The following SRCIN1 variants were observed in gnomAD, a reference collection of about 807,000 sequenced individuals.
SRCIN1 encodes the protein SRC kinase signaling inhibitor 1, also known as P130Cas-associated protein.
A neutral mutation model predicts 116.2 loss-of-function variants in SRCIN1; 50 were observed. The ratio of observed to expected loss-of-function variants is 0.43; its 90% CI spans 0.34 to 0.54. The LOEUF (loss-of-function observed/expected upper bound fraction) is 0.54. Ranked by LOEUF, SRCIN1 falls within the 20% of genes least tolerant of loss-of-function variation. SRCIN1 has a pLI of 0.02. For synonymous variants in SRCIN1, 736 were observed against 750.0 expected (o/e 0.98, Z 0.30); for missense variants, 1,446 against 1,672.0 (o/e 0.86, Z 2.36).
intron 2 of SRCIN1, among the ~76,000 whole-genome samples, chr17:38,575,541 GC>G (rs1204965624): frequency 6.6e-6 from 1 of 152,166 alleles, no homozygotes; most frequent in East Asian, 1.9e-4. Flanking sequence ...GAGCCACTGC[GC>G]CCGGCCTCAT....
chr17:38,541,261 T>TAAAA (rs1326224276), intron 18 of SRCIN1: 1 of 151,018 alleles, frequency 6.6e-6, no homozygotes, highest in Non-Finnish European at 1.5e-5. Flanking sequence ...TAAAATAAAA[T>TAAAA]AAAATAAAAT....
At position 38,563,989 on chromosome 17, in the gene SRCIN1, A is replaced by G; in HGVS notation, c.541+129T>C. 1 of 1,057,080 alleles carries G rather than the reference A, an allele frequency of 9.5e-7. No homozygotes were observed. The highest frequency in any genetic ancestry group is 1.4e-6 in the Non-Finnish European group (1 of 738,560). 65.5% of individuals were successfully genotyped at this position (1,057,080 alleles called of 1,614,324 possible). Reference sequence around the variant, plus strand: ...AGAGAGCTGGGGTTGCTTGGGGAGAAGGGGCTGTGGGAAAGAGAGCAGAGC... The same window carrying G: ...AGAGAGCTGGGGTTGCTTGGGGAGAGGGGGCTGTGGGAAAGAGAGCAGAGC... On this transcript the variant is annotated intron_variant, in intron 4 of 18. Coordinates refer to ENST00000617146, the MANE Select transcript of SRCIN1 (RefSeq NM_025248.3). This position sits in a 1 kb window ranked among gnomAD's most constrained non-coding sequence, Gnocchi z 5.8.
Position 38,605,769 on chromosome 17 carries a change from C to T in SRCIN1, c.-64G>A. On this transcript the variant is annotated 5_prime_UTR_variant, in exon 1 of 19. Coordinates refer to ENST00000617146, the MANE Select transcript of SRCIN1 (RefSeq NM_025248.3). ...TGCCTGGCGCTCGCCCTCTCGCCGC[C>T]TCGCGGGCTCCTCGCTCGGCCCCAG... 1.2e-6 allele frequency: 1 copy of T among 813,564 alleles called. No homozygotes were observed. 50.4% of individuals were successfully genotyped at this position (813,564 alleles called of 1,614,324 possible). A position where few individuals can be genotyped will look rare whatever the true frequency, so the allele number is the denominator to read the frequency against.
At position 38,568,124 on chromosome 17, in the gene SRCIN1, G is replaced by T. The variant is rs746040514; in HGVS notation, c.345+87C>A. 2 of 1,519,364 alleles carry T rather than the reference G, an allele frequency of 1.3e-6. No homozygotes were observed. Among genetic ancestry groups the T allele is most frequent in the East Asian group, 4.6e-5 (2 of 43,880 alleles). 94.1% of individuals were successfully genotyped at this position (1,519,364 alleles called of 1,614,324 possible). ...AGGTGTCCGTGCAGATGCGCACCCC[G>T]GTGCAAAGCCTGTGCAAGGGAGAGG... On this transcript the variant is annotated intron_variant, in intron 3 of 18. Coordinates refer to ENST00000617146, the MANE Select transcript of SRCIN1 (RefSeq NM_025248.3). This position sits in a 1 kb window ranked among gnomAD's most constrained non-coding sequence, Gnocchi z 4.5.
At chr17:38,606,809 A>G (rs1336186102), upstream of SRCIN1, among the ~76,000 whole-genome samples, 8 of 151,836 alleles carry the variant, frequency 5.3e-5, no homozygotes, top group Non-Finnish European at 4.4e-5. This position sits in a 1 kb window ranked among gnomAD's most constrained non-coding sequence, Gnocchi z 5.2. Flanking sequence ...CCAGACCCAG[A>G]CCCAGGCCCG....
chr17:38,590,739 CTTAGCCCA>C (rs142116078), intron 1 of SRCIN1, among the ~76,000 whole-genome samples: 39,237 of 151,908 alleles, frequency 0.26, 6,726 homozygotes, highest in African/African-American at 0.49. Context: ...TGCCGGGGTG[CTTAGCCCA>C]TTAGCCCATG....
At chr17:38,549,797 G>A (rs1214734345) in intron 15 of SRCIN1, among the ~76,000 whole-genome samples, 5 of 152,164 alleles carry the variant, frequency 3.3e-5, no homozygotes, top group East Asian at 1.9e-4. Flanking sequence ...AAGCTCCTTA[G>A]GCCAGCACCT....
rs888101834 is a variant in SRCIN1, at chr17:38,563,340, G to C, written c.723C>G (p.Tyr241Ter). The C allele has an allele frequency of 4.4e-6, 7 of 1,574,654 alleles. No individual in the cohort carries two copies. Among genetic ancestry groups the C allele is most frequent in the Non-Finnish European group, 6.0e-6 (7 of 1,159,502 alleles). ...LIKDEARNVF[Y>*]ELEDVRDIQD... ...ACGCCCACCGGACGTCCTCCAGCTC[G>C]TAGAAGACGTTGCGAGCCTCGTCTT... The change falls in exon 5 of 19, where the codon TAC becomes TAG. Residue 241 changes from tyrosine (Y) to a stop codon, truncating the protein, a stop_gained. Transcript: ENST00000617146. LOFTEE classifies it high-confidence loss of function. The surrounding 1 kb of genome is among the most constrained non-coding windows in gnomAD (Gnocchi z 5.8).
Position 38,562,360 on chromosome 17 carries a change from G to T in SRCIN1, c.835-32C>A. On this transcript the variant is annotated intron_variant, in intron 6 of 18. Transcript: ENST00000617146. This position sits in a 1 kb window ranked among gnomAD's most constrained non-coding sequence, Gnocchi z 4.2. ...AGAAGACAGCCCGGAACCCCACGGG[G>T]CTGGTCACCAAGGACACCCCTGTCC... 1 of 1,413,798 alleles carries T rather than the reference G, an allele frequency of 7.1e-7. No homozygotes were observed. The highest frequency in any genetic ancestry group is 9.1e-7 in the Non-Finnish European group (1 of 1,093,276). 87.6% of individuals were successfully genotyped at this position (1,413,798 alleles called of 1,614,324 possible).
intron 1 of SRCIN1, among the ~76,000 whole-genome samples, chr17:38,601,965 A>C (rs1180259505): frequency 6.6e-6 from 1 of 151,976 alleles, no homozygotes; most frequent in Non-Finnish European, 1.5e-5. Flanking sequence ...GAAATTGACG[A>C]ACAGGGAGCG....
At chr17:38,559,557 TG>T in intron 10 of SRCIN1, 27 bp downstream of exon 10, 1 of 1,588,518 alleles carries the variant, frequency 6.3e-7, no homozygotes. Flanking sequence ...TGGGCGTTGG[TG>T]GGGCGGGGCC....
At chr17:38,533,749 G>A (rs1474583977) in intron 18 of SRCIN1, among the ~76,000 whole-genome samples, 1 of 147,414 alleles carries the variant, frequency 6.8e-6, no homozygotes, top group African/African-American at 2.5e-5. Context: ...TGGGCAGATG[G>A]GGAGGTGGGG....
chr17:38,601,938 G>A (rs1909061272), intron 1 of SRCIN1, among the ~76,000 whole-genome samples: 1 of 152,094 alleles, frequency 6.6e-6, no homozygotes, highest in African/African-American at 2.4e-5. Context: ...AGAGACAGCA[G>A]GAAGGGCAGC....
chr17:38,541,185 G>A (rs1032707006), intron 18 of SRCIN1: 1 of 151,970 alleles, frequency 6.6e-6, no homozygotes, highest in East Asian at 1.9e-4. Context: ...GTTGCAGTGA[G>A]CTGGGATCGC....
chr17:38,585,964 T>C lies in SRCIN1; in HGVS notation c.23-7173A>G, dbSNP rs918458619. 6.6e-6 allele frequency among the ~76,000 whole-genome samples: 1 copy of C among 152,058 alleles called. No homozygotes were observed. The highest frequency in any genetic ancestry group is 2.4e-5 in the African/African-American group (1 of 41,404). On this transcript the variant is annotated intron_variant, in intron 1 of 18. Transcript: ENST00000617146. This position sits in a 1 kb window ranked among gnomAD's most constrained non-coding sequence, Gnocchi z 4.2. ...CCTCCCCACGGTGATCCCCACTCCC[T>C]GCCAGCCCAGCCCCACCCCCTGAAT...
At position 38,530,681 on chromosome 17, in the gene SRCIN1, CT is replaced by C. The variant is rs2040908240; in HGVS notation, c.*2615del. 1 of 152,346 alleles carries C rather than the reference CT, an allele frequency of 6.6e-6. No individual in the cohort carries two copies. The highest frequency in any genetic ancestry group is 6.5e-5 in the Admixed American group (1 of 15,292). 9.4% of individuals were successfully genotyped at this position (152,346 alleles called of 1,614,324 possible). On this transcript the variant is annotated 3_prime_UTR_variant, in exon 19 of 19. Transcript: ENST00000617146. ...ACTCGGAGACACAGATTACATGCAC[CT>C]CCATGTATGCGTCTCTATCCACATG...
chr17:38,547,115 T>A (rs1280354331), intron 17 of SRCIN1, among the ~76,000 whole-genome samples: 2 of 152,208 alleles, frequency 1.3e-5, no homozygotes, highest in African/African-American at 4.8e-5. Context: ...AATTTCCCAA[T>A]GCCAAAAGAA....
Position 38,604,849 on chromosome 17 carries a change from C to A in SRCIN1, c.22+835G>T, listed in dbSNP as rs1389433057. On this transcript the variant is annotated intron_variant, in intron 1 of 18. Coordinates refer to ENST00000617146, the MANE Select transcript of SRCIN1 (RefSeq NM_025248.3). This position sits in a 1 kb window ranked among gnomAD's most constrained non-coding sequence, Gnocchi z 4.3. ...CTCCACCCCTCAGCCGCCTGCCTTC[C>A]CTATCTTCTCACTCACCCTAGATGC... is the stretch of plus-strand genomic sequence containing the variant. Among the ~76,000 whole-genome samples, 1 of 151,256 alleles carries A rather than the reference C, an allele frequency of 6.6e-6. No individual in the cohort carries two copies. Among genetic ancestry groups the A allele is most frequent in the Admixed American group, 6.6e-5 (1 of 15,228 alleles).
intron 1 of SRCIN1, among the ~76,000 whole-genome samples, chr17:38,581,451 C>T (rs2143339035): frequency 6.8e-6 from 1 of 147,554 alleles, no homozygotes; most frequent in East Asian, 2.0e-4. Context: ...AAAGTGTGAG[C>T]CACCACACCC....
Sources: allele counts gnomAD v4.1 joint callset (sites outside exome capture counted in the v4.1 genomes callset), GRCh38; gene constraint gnomAD v4.1.1; non-coding constraint Gnocchi (gnomAD v3.1); transcripts MANE v1.5; gene names NCBI Gene and HGNC (gene_info 2026-07-23, HGNC 2026-07-21).